The following CSMD1 variants were observed in gnomAD, a reference collection of about 807,000 sequenced individuals.
CSMD1 encodes CUB and Sushi multiple domains 1.
A neutral mutation model predicts 417.5 loss-of-function variants in CSMD1; 213 were observed. The observed-to-expected ratio is 0.51, with a 90% CI of 0.46 to 0.57. The LOEUF is 0.57. CSMD1 is among the 20% of genes least tolerant of loss of function. The pLI is 0.00. For synonymous variants in CSMD1, 2,862 were observed against 1,736.8 expected (o/e 1.65, Z -16.11); for missense variants, 6,923 against 4,529.7 (o/e 1.53, Z -15.17).
chr8:3,232,940 TAA>T (rs35804251), intron 26 of CSMD1, among the ~76,000 whole-genome samples: 5 of 151,154 alleles, frequency 3.3e-5, no homozygotes, highest in East Asian at 1.9e-4. Flanking sequence ...TTCAGTTATT[TAA>T]AAAAAAAATC....
At chr8:4,395,872 T>C (rs1348359923) in intron 3 of CSMD1, among the ~76,000 whole-genome samples, 2 of 152,220 alleles carry the variant, frequency 1.3e-5, no homozygotes, top group African/African-American at 4.8e-5. Flanking sequence ...CAGTCTTTAA[T>C]TCGGTAGTGT....
chr8:4,330,083 G>A (rs1419359202), intron 3 of CSMD1, among the ~76,000 whole-genome samples: 1 of 151,966 alleles, frequency 6.6e-6, no homozygotes, highest in Admixed American at 6.6e-5. Context: ...TTTCTTTAGA[G>A]CAATGCAAGA....
intron 51 of CSMD1, among the ~76,000 whole-genome samples, chr8:3,024,293 T>C (rs1242784997): frequency 7.0e-6 from 1 of 142,644 alleles, no homozygotes. Flanking sequence ...TTGAGGTTTT[T>C]TTTGGGGGGG....
At chr8:4,618,335 G>C (rs1462928161) in intron 2 of CSMD1, among the ~76,000 whole-genome samples, 3 of 152,040 alleles carry the variant, frequency 2.0e-5, no homozygotes, top group Non-Finnish European at 4.4e-5. Flanking sequence ...GCCCAGCTTT[G>C]CTTGACGAAC....
At chr8:3,120,249 A>G (rs1269011971) in intron 41 of CSMD1, among the ~76,000 whole-genome samples, 1 of 152,160 alleles carries the variant, frequency 6.6e-6, no homozygotes, top group Non-Finnish European at 1.5e-5. Flanking sequence ...GGGATTACTC[A>G]GGGATTAGAT....
At chr8:4,176,326 G>C (rs546185814) in intron 3 of CSMD1, among the ~76,000 whole-genome samples, 1 of 152,032 alleles carries the variant, frequency 6.6e-6, no homozygotes, top group Non-Finnish European at 1.5e-5. Flanking sequence ...GTTTGCTGAC[G>C]TCAACCTTTT....
At chr8:4,287,490 A>T (rs1038062661) in intron 3 of CSMD1, among the ~76,000 whole-genome samples, 1 of 152,100 alleles carries the variant, frequency 6.6e-6, no homozygotes, top group Non-Finnish European at 1.5e-5. Flanking sequence ...CTTACTTTAC[A>T]TTCTAAGACT....
intron 1 of CSMD1, among the ~76,000 whole-genome samples, chr8:4,889,670 G>C (rs1803979576): frequency 6.6e-6 from 1 of 152,044 alleles, no homozygotes; most frequent in African/African-American, 2.4e-5. Context: ...TTTATTTAAA[G>C]CTGGAGAGAA....
intron 37 of CSMD1, among the ~76,000 whole-genome samples, chr8:3,173,343 G>C (rs1326569284): frequency 6.6e-6 from 1 of 152,154 alleles, no homozygotes; most frequent in Non-Finnish European, 1.5e-5. Flanking sequence ...ACAGAAGCCA[G>C]AATTTACATT....
At chr8:4,113,127 C>A (rs1358568055) in intron 3 of CSMD1, among the ~76,000 whole-genome samples, 2 of 152,114 alleles carry the variant, frequency 1.3e-5, no homozygotes. Flanking sequence ...CTGTTCCACT[C>A]ATCAGCTGTT....
chr8:4,038,683 C>A (rs374565557), intron 3 of CSMD1, among the ~76,000 whole-genome samples: 1 of 152,198 alleles, frequency 6.6e-6, no homozygotes. Flanking sequence ...CATTTACACT[C>A]CTTCCCATAG....
At chr8:4,019,561 C>T (rs1188542993) in intron 4 of CSMD1, among the ~76,000 whole-genome samples, 1 of 152,120 alleles carries the variant, frequency 6.6e-6, no homozygotes, top group African/African-American at 2.4e-5. Flanking sequence ...CCTGAGCTGT[C>T]GTATCTGTGT....
At chr8:4,434,716 G>A (rs760084564) in intron 2 of CSMD1, among the ~76,000 whole-genome samples, 3 of 152,100 alleles carry the variant, frequency 2.0e-5, no homozygotes, top group African/African-American at 2.4e-5. Flanking sequence ...TCATGCCCCT[G>A]ACAGTGCTCA....
chr8:4,378,840 G>C (rs1802917628), intron 3 of CSMD1, among the ~76,000 whole-genome samples: 1 of 152,146 alleles, frequency 6.6e-6, no homozygotes, highest in Admixed American at 6.5e-5. Flanking sequence ...AGGACACATA[G>C]AAGGCATAAT....
At position 2,973,363 on chromosome 8, in the gene CSMD1, C is replaced by T. The variant is rs143895889; in HGVS notation, c.8741-64G>A. The T allele has an allele frequency of 5.4e-5, 81 of 1,490,252 alleles. No individual in the cohort carries two copies. The African/African-American group carries it at 9.8e-4, about 18-fold the overall frequency. The allele number at this position is 1,490,252 out of a possible 1,614,324, so 92.3% of individuals were successfully genotyped here. A position where few individuals can be genotyped will look rare whatever the true frequency, so the allele number is the denominator to read the frequency against. ...TTAGACTTGTTTTAAGCAGAGTTGT[C>T]ACACTTAAAGATAATGAAAAGTTGT... On this transcript the variant is annotated intron_variant, in intron 56 of 69. Transcript: ENST00000635120.
chr8:4,853,500 G>A (rs113909841), intron 1 of CSMD1, among the ~76,000 whole-genome samples: 1 of 152,196 alleles, frequency 6.6e-6, no homozygotes, highest in South Asian at 2.1e-4. Flanking sequence ...AAGGAGGCTT[G>A]GCAGCTTCCA....
intron 3 of CSMD1, among the ~76,000 whole-genome samples, chr8:4,137,856 G>A (rs1205094744): frequency 8.9e-6 from 1 of 112,220 alleles, no homozygotes; most frequent in Non-Finnish European, 2.0e-5. Context: ...CCTTTTGGAT[G>A]CCTTACATTA....
intron 10 of CSMD1, among the ~76,000 whole-genome samples, chr8:3,564,517 T>TTGTGTGTGTGTG (rs34665230): frequency 0.12 from 16,969 of 145,284 alleles, 1,121 homozygotes; most frequent in Admixed American, 0.19. Flanking sequence ...CACAGTATAT[T>TTGTGTGTGTGTG]TGTGTGTGTG....
intron 3 of CSMD1, among the ~76,000 whole-genome samples, chr8:4,250,277 T>C (rs551441358): frequency 6.6e-6 from 1 of 152,294 alleles, no homozygotes; most frequent in African/African-American, 2.4e-5. Flanking sequence ...TCTAGTGATA[T>C]AAATAGCCCA....
Sources: allele counts gnomAD v4.1 joint callset (sites outside exome capture counted in the v4.1 genomes callset), GRCh38; gene constraint gnomAD v4.1.1; transcripts MANE v1.5; gene names NCBI Gene and HGNC (gene_info 2026-07-23, HGNC 2026-07-21).